The following NKAIN2 variants were observed in gnomAD, a reference collection of about 807,000 sequenced individuals.
The protein encoded by NKAIN2 is sodium/potassium-transporting ATPase subunit beta-1-interacting protein 2.
In NKAIN2, 14 loss-of-function variants were observed where a neutral mutation model predicts 32.6. The observed-to-expected ratio is 0.43, with a 90% CI of 0.28 to 0.67. The LOEUF is 0.67. Ranked by LOEUF, NKAIN2 falls within the 30% of genes least tolerant of loss-of-function variation. NKAIN2 has a pLI of 0.17. For missense variants in NKAIN2, 198 were observed against 258.3 expected (o/e 0.77, Z 1.60); for synonymous variants, 80 against 87.2 (o/e 0.92, Z 0.46).
intron 3 of NKAIN2, among the ~76,000 whole-genome samples, chr6:124,587,242 T>C (rs915382815): frequency 6.6e-6 from 1 of 152,140 alleles, no homozygotes; most frequent in African/African-American, 2.4e-5. Flanking sequence ...AACTCCTCTT[T>C]TTTTTTGAGA....
At chr6:124,788,587 G>C (rs933127925) in intron 4 of NKAIN2, among the ~76,000 whole-genome samples, 1 of 152,064 alleles carries the variant, frequency 6.6e-6, no homozygotes, top group African/African-American at 2.4e-5. Context: ...AGAAGAATGA[G>C]AACAAAGGAG....
At chr6:124,063,480 C>A (rs1212952805) in intron 1 of NKAIN2, among the ~76,000 whole-genome samples, 1 of 151,870 alleles carries the variant, frequency 6.6e-6, no homozygotes, top group South Asian at 2.1e-4. Flanking sequence ...TTCTTTCAAT[C>A]TTTCTTTCTT....
chr6:124,651,990 C>T (rs575502911), intron 3 of NKAIN2, among the ~76,000 whole-genome samples: 1 of 152,096 alleles, frequency 6.6e-6, no homozygotes, highest in Non-Finnish European at 1.5e-5. Context: ...AGTGTGTTTC[C>T]CTTTAAATCA....
At position 124,066,728 on chromosome 6, in the gene NKAIN2, T is replaced by C. The variant is rs112084008; in HGVS notation, c.55-216277T>C. On this transcript the variant is annotated intron_variant, in intron 1 of 6. Transcript: ENST00000368417. Reference sequence around the variant, plus strand: ...TATGTAAAAAGCTTGTTATTTAGAATAGGCTTCCTTTTGCTTCTGTAACCA... The same window carrying C: ...TATGTAAAAAGCTTGTTATTTAGAACAGGCTTCCTTTTGCTTCTGTAACCA... Among the ~76,000 whole-genome samples, 189 of 152,304 alleles carry C rather than the reference T, an allele frequency of 1.2e-3. 1 individual carries two copies. Among genetic ancestry groups the C allele is most frequent in the African/African-American group, 4.4e-3 (185 of 41,576 alleles).
At chr6:124,610,650 A>G (rs556232301) in intron 3 of NKAIN2, among the ~76,000 whole-genome samples, 15 of 152,278 alleles carry the variant, frequency 9.9e-5, no homozygotes, top group African/African-American at 3.4e-4. Context: ...CTGGAGTACA[A>G]GAGTGTCATT....
intron 4 of NKAIN2, among the ~76,000 whole-genome samples, chr6:124,727,045 T>C (rs1223225132): frequency 6.6e-6 from 1 of 151,596 alleles, no homozygotes; most frequent in Non-Finnish European, 1.5e-5. Context: ...CTCCAAGAAA[T>C]ATGGGACTAT....
chr6:124,036,239 C>G (rs899579794), intron 1 of NKAIN2, among the ~76,000 whole-genome samples: 1 of 152,080 alleles, frequency 6.6e-6, no homozygotes, highest in African/African-American at 2.4e-5. Flanking sequence ...CATGAACTTG[C>G]CTTTTACCTA....
chr6:123,880,000 A>C (rs961188975), intron 1 of NKAIN2, among the ~76,000 whole-genome samples: 1 of 152,164 alleles, frequency 6.6e-6, no homozygotes, highest in Admixed American at 6.5e-5. Context: ...CTTCAGATGG[A>C]TAGAGCAAAT....
At chr6:123,989,767 A>G (rs979784414) in intron 1 of NKAIN2, among the ~76,000 whole-genome samples, 2 of 152,212 alleles carry the variant, frequency 1.3e-5, no homozygotes, top group African/African-American at 4.8e-5. Flanking sequence ...TTGCAGAGAA[A>G]TATGATCAAT....
At chr6:124,342,824 T>C (rs1299152785) in intron 2 of NKAIN2, among the ~76,000 whole-genome samples, 1 of 111,826 alleles carries the variant, frequency 8.9e-6, no homozygotes, top group Non-Finnish European at 1.9e-5. Flanking sequence ...TTTATTATTA[T>C]TATTATTATT....
chr6:124,457,047 A>C (rs575477850), intron 3 of NKAIN2, among the ~76,000 whole-genome samples: 1 of 152,006 alleles, frequency 6.6e-6, no homozygotes, highest in East Asian at 1.9e-4. Flanking sequence ...TTTATTTACA[A>C]TTCTGGATCA....
chr6:124,001,511 C>T (rs1779876188), intron 1 of NKAIN2, among the ~76,000 whole-genome samples: 1 of 151,692 alleles, frequency 6.6e-6, no homozygotes, highest in East Asian at 1.9e-4. Flanking sequence ...TATCATACAC[C>T]ACATTTCATT....
intron 1 of NKAIN2, among the ~76,000 whole-genome samples, chr6:123,881,159 T>C (rs1381556539): frequency 6.6e-6 from 1 of 152,082 alleles, no homozygotes; most frequent in Non-Finnish European, 1.5e-5. Context: ...GTAGCTAGGA[T>C]TATAGGCGGC....
chr6:124,674,051 T>C (rs1236369638), intron 4 of NKAIN2, among the ~76,000 whole-genome samples: 2 of 152,166 alleles, frequency 1.3e-5, no homozygotes, highest in Admixed American at 6.5e-5. Flanking sequence ...TATATATTAG[T>C]TCAGTTTCTT....
intron 3 of NKAIN2, among the ~76,000 whole-genome samples, chr6:124,434,275 G>A (rs1775343965): frequency 6.6e-6 from 1 of 152,054 alleles, no homozygotes; most frequent in Admixed American, 6.6e-5. Context: ...AGTGGGAAGG[G>A]GCTTTGCAGG....
At position 124,315,586 on chromosome 6, in the gene NKAIN2, G is replaced by A. The variant is rs527436450; in HGVS notation, c.192+32444G>A. 5.9e-5 allele frequency among the ~76,000 whole-genome samples: 9 copies of A among 152,188 alleles called. No individual in the cohort carries two copies. The East Asian group carries it at 1.5e-3, about 26-fold the overall frequency. Reference sequence around the variant, plus strand: ...ACATATTGAAGACATGACTTAAATTGTAAGGACTTAGCAGATGAATAGAAT... The same window carrying A: ...ACATATTGAAGACATGACTTAAATTATAAGGACTTAGCAGATGAATAGAAT... On this transcript the variant is annotated intron_variant, in intron 2 of 6. Coordinates refer to ENST00000368417, the MANE Select transcript of NKAIN2 (RefSeq NM_001040214.3).
chr6:123,976,334 TATATATATGTTCCC>T (rs1404571417), intron 1 of NKAIN2, among the ~76,000 whole-genome samples: 4,933 of 38,526 alleles, frequency 0.13, 716 homozygotes, highest in African/African-American at 0.15. Context: ...TGTTCCCATA[TATATATATGTTCCC>T]ATATATATAT....
intron 4 of NKAIN2, among the ~76,000 whole-genome samples, chr6:124,704,079 T>C (rs1774930182): frequency 7.6e-6 from 1 of 132,160 alleles, no homozygotes; most frequent in Non-Finnish European, 1.7e-5. Context: ...GTGTAGATCA[T>C]GAGAAAGGCC....
At chr6:124,470,047 C>T (rs1403100028) in intron 3 of NKAIN2, among the ~76,000 whole-genome samples, 8 of 152,134 alleles carry the variant, frequency 5.3e-5, no homozygotes, top group African/African-American at 1.9e-4. Context: ...GAAAGCAAAA[C>T]ATAAGTTCTG....
Sources: allele counts gnomAD v4.1 joint callset (sites outside exome capture counted in the v4.1 genomes callset), GRCh38; gene constraint gnomAD v4.1.1; transcripts MANE v1.5; gene names NCBI Gene and HGNC (gene_info 2026-07-23, HGNC 2026-07-21).